The following WDR7 variants were observed in gnomAD, a reference collection of about 807,000 sequenced individuals.
WDR7 encodes the protein WD repeat-containing protein 7.
Under a neutral mutation model 169.4 loss-of-function variants are expected in WDR7, and 46 were observed. The ratio of observed to expected loss-of-function variants is 0.27; its 90% CI spans 0.21 to 0.35. The LOEUF (loss-of-function observed/expected upper bound fraction) is 0.35, where lower values mean the gene tolerates loss of function less well. Among genes scored for constraint, WDR7 ranks in the 10% least tolerant of loss-of-function variants. The pLI, the probability that WDR7 is intolerant of heterozygous loss-of-function variation, is 1.00. For missense variants in WDR7, 1,534 were observed against 1,859.3 expected (o/e 0.83, Z 3.22); for synonymous variants, 612 against 666.8 (o/e 0.92, Z 1.27).
intron 20 of WDR7, among the ~76,000 whole-genome samples, chr18:56,846,083 T>C (rs1254750591): frequency 6.6e-6 from 1 of 152,204 alleles, no homozygotes; most frequent in African/African-American, 2.4e-5. Context: ...CATGAAATCA[T>C]TGATATATTG....
chr18:56,861,309 A>G (rs575190077), intron 20 of WDR7, among the ~76,000 whole-genome samples: 1 of 152,322 alleles, frequency 6.6e-6, no homozygotes, highest in African/African-American at 2.4e-5. Context: ...AATTAACTTA[A>G]AAGTCTTGTT....
At chr18:57,034,280 G>A (rs2048456112), downstream of WDR7, 1 of 152,188 alleles carries the variant, frequency 6.6e-6, no homozygotes, top group South Asian at 2.1e-4. Flanking sequence ...GGCCATCCCA[G>A]CTCCAGAACT....
intron 18 of WDR7, among the ~76,000 whole-genome samples, chr18:56,780,233 A>G (rs1294644581): frequency 2.6e-5 from 4 of 152,178 alleles, no homozygotes; most frequent in Non-Finnish European, 5.9e-5. Context: ...TTGGAATATA[A>G]TATTACCAAG....
chr18:57,006,834 A>G (rs1458479593), intron 26 of WDR7, among the ~76,000 whole-genome samples: 1 of 152,134 alleles, frequency 6.6e-6, no homozygotes, highest in Non-Finnish European at 1.5e-5. Flanking sequence ...AAAGTCATTA[A>G]TTTGGTTAAT....
At chr18:57,006,170 T>C (rs2048055529) in intron 26 of WDR7, among the ~76,000 whole-genome samples, 1 of 152,198 alleles carries the variant, frequency 6.6e-6, no homozygotes, top group Non-Finnish European at 1.5e-5. Flanking sequence ...AGGCATAGAA[T>C]GTTATTTTAA....
At chr18:57,024,130 GT>G (rs1439817825) in intron 27 of WDR7, among the ~76,000 whole-genome samples, 1 of 152,038 alleles carries the variant, frequency 6.6e-6, no homozygotes, top group Non-Finnish European at 1.5e-5. Context: ...TATTTCAGGG[GT>G]TTTTTGCTTT....
chr18:56,853,654 T>A (rs1430403627), intron 20 of WDR7, among the ~76,000 whole-genome samples: 1 of 152,214 alleles, frequency 6.6e-6, no homozygotes, highest in Non-Finnish European at 1.5e-5. Flanking sequence ...ACATTCCCTG[T>A]CTGCTTCTAG....
intron 21 of WDR7, among the ~76,000 whole-genome samples, chr18:56,904,503 A>T (rs529287765): frequency 1.3e-5 from 2 of 152,166 alleles, no homozygotes; most frequent in African/African-American, 4.8e-5. Flanking sequence ...TTGGGGCAAC[A>T]ATATGTTTTT....
intron 20 of WDR7, among the ~76,000 whole-genome samples, chr18:56,871,416 G>C (rs2045951549): frequency 6.6e-6 from 1 of 152,064 alleles, no homozygotes; most frequent in South Asian, 2.1e-4. Flanking sequence ...ACAGCTCACT[G>C]TTTTTCTAGT....
At chr18:56,946,416 G>A (rs1332115137) in intron 25 of WDR7, among the ~76,000 whole-genome samples, 1 of 152,150 alleles carries the variant, frequency 6.6e-6, no homozygotes. Context: ...ATGACAGCCC[G>A]TTTTTGTTTT....
rs2026232311 is a variant in WDR7 at position 56,718,074 on chromosome 18, T to G, written c.1689T>G (p.Ile563Met). Residue 563 changes from isoleucine to methionine, a missense_variant, in exon 13 of 28, where the codon ATT (isoleucine) becomes ATG (methionine). Ile to Met is a conservative substitution (Grantham distance 10). Transcript: ENST00000254442. Reference protein sequence around the residue: ...IMLASRHLFPIQVIKWRPSDD... With the variant: ...IMLASRHLFPMQVIKWRPSDD... ...TGGCATCTCGTCACCTTTTTCCTAT[T>G]CAAGTAATCAAATGGAGGCCTTCTG... 6.2e-7 allele frequency: 1 copy of G among 1,614,190 alleles called. No homozygotes were observed. The highest frequency in any genetic ancestry group is 2.2e-5 in the East Asian group (1 of 44,870).
chr18:57,013,330 T>C (rs934464487), intron 26 of WDR7, among the ~76,000 whole-genome samples: 2 of 152,244 alleles, frequency 1.3e-5, no homozygotes, highest in Non-Finnish European at 2.9e-5. Context: ...TACCAGTCCA[T>C]GGTCCAGGGG....
chr18:56,693,580 T>G (rs1724603030), intron 9 of WDR7, among the ~76,000 whole-genome samples: 1 of 140,804 alleles, frequency 7.1e-6, no homozygotes, highest in African/African-American at 2.6e-5. Context: ...TTTGTTTTTT[T>G]TTTTTTTTTG....
intron 26 of WDR7, among the ~76,000 whole-genome samples, chr18:56,977,976 A>G (rs2047591023): frequency 6.6e-6 from 1 of 152,218 alleles, no homozygotes; most frequent in South Asian, 2.1e-4. Flanking sequence ...CACAGCAGTA[A>G]CTCACACAGA....
At position 56,776,879 on chromosome 18, in the gene WDR7, A is replaced by C. The variant is rs2044250581; in HGVS notation, c.2946A>C (p.Glu982Asp). 6.2e-7 allele frequency: 1 copy of C among 1,612,248 alleles called. No individual in the cohort carries two copies. The highest frequency in any genetic ancestry group is 8.5e-7 in the Non-Finnish European group (1 of 1,178,604). ...TACATACCTGTTTCTTAGTAAATGA[A>C]GGTATCTCTCTCAACTTCTAACAAC... Reference protein sequence around the residue: ...PALHTCFLVNEGWSQLAAMHC... With the variant: ...PALHTCFLVNDGWSQLAAMHC... The change falls in exon 17 of 28, where the codon GAA becomes GAC. Residue 982 changes from glutamate (E) to aspartate (D), a missense_variant and splice_region_variant. Glu to Asp is a conservative substitution (Grantham distance 45). Coordinates refer to ENST00000254442, the MANE Select transcript of WDR7 (RefSeq NM_015285.3).
chr18:56,901,973 A>G (rs998893142), intron 21 of WDR7, among the ~76,000 whole-genome samples: 2 of 152,174 alleles, frequency 1.3e-5, no homozygotes, highest in Non-Finnish European at 2.9e-5. Context: ...ACTATTGGCA[A>G]GTGGAGAATT....
At chr18:56,766,208 C>A (rs948809570) in intron 16 of WDR7, among the ~76,000 whole-genome samples, 22 of 152,100 alleles carry the variant, frequency 1.4e-4, no homozygotes, top group Admixed American at 1.4e-3. Flanking sequence ...TTCCGTTTAT[C>A]ACTGGTTTTG....
intron 19 of WDR7, among the ~76,000 whole-genome samples, chr18:56,800,626 C>G (rs8090783): frequency 4.6e-5 from 7 of 152,138 alleles, no homozygotes; most frequent in African/African-American, 1.4e-4. Flanking sequence ...AAAGACCCAG[C>G]GCCAGACCCT....
In WDR7 at chr18:56,686,924, T is replaced by TAAAA; in HGVS notation, c.667_668insAAAA (p.Cys223Ter). 6.2e-7 allele frequency: 1 copy of TAAAA among 1,611,852 alleles called. No individual in the cohort carries two copies. Among genetic ancestry groups the TAAAA allele is most frequent in the Non-Finnish European group, 8.5e-7 (1 of 1,178,160 alleles). The stretch of plus-strand genomic sequence containing the variant: ...TCAGAATTGCCAAAGCATCTCTTTT[T>TAAAA]GTGCATTTACACAAAGGTCACTTTT... On this transcript the variant is annotated stop_gained and frameshift_variant, in exon 7 of 28. Transcript: ENST00000254442. LOFTEE classifies it high-confidence loss of function.
Sources: gnomAD v4.1 joint callset for allele counts (sites outside exome capture counted in the v4.1 genomes callset) on GRCh38, gnomAD v4.1.1 for gene constraint, MANE v1.5 for transcripts, NCBI Gene and HGNC (gene_info 2026-07-23, HGNC 2026-07-21) for gene names.